FSIP2: variants seen among roughly 807,000 people sequenced by gnomAD.
FSIP2 encodes the protein fibrous sheath interacting protein 2, also known as fibrous sheath-interacting protein 2.
Under a neutral mutation model 510.5 loss-of-function variants are expected in FSIP2, and 367 were observed. The ratio of observed to expected loss-of-function variants is 0.72; its 90% CI spans 0.66 to 0.78. FSIP2 has a LOEUF of 0.78. Among genes scored for constraint, FSIP2 ranks in the 30% least tolerant of loss-of-function variants. The probability of loss-of-function intolerance (pLI) is 0.00; values close to 1 mark genes in which losing one functional copy is unlikely to be tolerated. For synonymous variants in FSIP2, 2,601 were observed against 2,732.2 expected (o/e 0.95, Z 1.50); for missense variants, 7,594 against 7,901.7 (o/e 0.96, Z 1.48).
upstream of FSIP2, chr2:185,738,438 C>A (rs923993018): frequency 3.2e-6 from 2 of 633,666 alleles, no homozygotes; most frequent in Admixed American, 3.0e-5. Flanking sequence ...TGGGAAGAAG[C>A]TGTGGGAGCC....
chr2:185,815,191 T>C (rs1693805040), intron 18 of FSIP2, among the ~76,000 whole-genome samples, 180 bp from the exon 19 acceptor site: 1 of 152,044 alleles, frequency 6.6e-6, no homozygotes, highest in Non-Finnish European at 1.5e-5. Context: ...CTGAACTATT[T>C]CAAGTTAATT....
Position 185,789,744 on chromosome 2 carries a change from A to G in FSIP2, c.2608A>G (p.Lys870Glu), listed in dbSNP as rs755981641. The G allele has an allele frequency of 1.4e-5, 21 of 1,534,404 alleles. No individual in the cohort carries two copies. In the South Asian group the frequency reaches 2.5e-4, roughly 18 times the overall value. The change falls in exon 16 of 23, where the codon AAA (lysine) becomes GAA (glutamate). Residue 870 changes from lysine to glutamate, a missense_variant. By Grantham distance (56) the Lys-to-Glu change is moderately conservative. Transcript: ENST00000424728. ...ATGTATGTTCCTTCAAAGAGCTGGC[A>G]AAAATAAATCTAGTCTTGAATCTGA... Reference protein sequence around the residue: ...PICMFLQRAGKNKSSLESDEA... With the variant: ...PICMFLQRAGENKSSLESDEA...
intron 12 of FSIP2, among the ~76,000 whole-genome samples, chr2:185,763,782 T>C (rs1692402189): frequency 6.6e-6 from 1 of 151,608 alleles, no homozygotes; most frequent in African/African-American, 2.4e-5. Context: ...AGAAATGTAC[T>C]AAATTATTTC....
In FSIP2 at chr2:185,800,234, C is replaced by A; in HGVS notation, c.10928C>A (p.Pro3643His). The A allele has an allele frequency of 6.5e-7, 1 of 1,532,468 alleles. No individual in the cohort carries two copies. The highest frequency in any genetic ancestry group is 1.2e-5 in the South Asian group (1 of 83,666). The allele number at this position is 1,532,468 out of a possible 1,614,324, so 94.9% of individuals were successfully genotyped here. The stretch of plus-strand genomic sequence containing the variant: ...TCTATGCATAGAAATAATAGTGTAC[C>A]CCTTTGCAACAAAATCAATAGACAG... ...SFSMHRNNSV[P>H]LCNKINRQAS... Residue 3643 changes from proline (P) to histidine (H), a missense_variant, in exon 17 of 23, where the codon CCC (proline) becomes CAC (histidine). Physicochemically the swap from Pro to His is moderately conservative, Grantham distance 77. Transcript: ENST00000424728.
At chr2:185,773,547 G>A (rs1349192141) in intron 13 of FSIP2, among the ~76,000 whole-genome samples, 6 of 152,012 alleles carry the variant, frequency 3.9e-5, no homozygotes, top group Non-Finnish European at 7.4e-5. Flanking sequence ...CAAAATACAC[G>A]TGCTTCAGTT....
At chr2:185,763,142 T>C in intron 11 of FSIP2, 41 bp from the exon 12 acceptor site, 1 of 853,294 alleles carries the variant, frequency 1.2e-6, no homozygotes. Flanking sequence ...GTCCCAGCAA[T>C]ATCAGCTTCT....
rs1693466069 is a variant in FSIP2 at position 185,802,610 on chromosome 2, T to C, written c.13304T>C (p.Val4435Ala). 1 of 1,533,392 alleles carries C rather than the reference T, an allele frequency of 6.5e-7. No homozygotes were observed. Among genetic ancestry groups the C allele is most frequent in the Admixed American group, 2.0e-5 (1 of 50,786 alleles). The allele number at this position is 1,533,392 out of a possible 1,614,324, so 95.0% of individuals were successfully genotyped here. Residue 4435 changes from valine to alanine, a missense_variant, in exon 17 of 23, where the codon GTG becomes GCG. Physicochemically the swap from Val to Ala is moderately conservative, Grantham distance 64. Transcript: ENST00000424728. ...TCAGCTTCTACCTATTCTAATTCAG[T>C]GGCTGAGAATATTGTTCAGGACATC... ...DFSASTYSNS[V>A]AENIVQDILS...
rs114699838 is a variant in FSIP2, at chr2:185,800,171, A to G, written c.10865A>G (p.Asp3622Gly). 5.6e-4 allele frequency: 852 copies of G among 1,533,188 alleles called. 4 individuals carry two copies. In the African/African-American group the frequency reaches 9.6e-3, roughly 17 times the overall value. The allele number at this position is 1,533,188 out of a possible 1,614,324, so 95.0% of individuals were successfully genotyped here. A position where few individuals can be genotyped will look rare whatever the true frequency, so the allele number is the denominator to read the frequency against. The change falls in exon 17 of 23, where the codon GAT becomes GGT. Residue 3622 changes from aspartate to glycine, a missense_variant. Asp to Gly is a moderately conservative substitution (Grantham distance 94, BLOSUM62 -1). Transcript: ENST00000424728. ...IHVLSKEIEV[D>G]YHFESNVRNK... ...GTACTGTCCAAAGAAATAGAAGTAG[A>G]TTATCACTTTGAAAGCAATGTAAGA...
rs1691863972 is a variant in FSIP2, at chr2:185,739,093, T to G, written c.99+100T>G. 8 of 1,383,130 alleles carry G rather than the reference T, an allele frequency of 5.8e-6. No homozygotes were observed. In the South Asian group the frequency reaches 1.2e-4, roughly 21 times the overall value. The allele number at this position is 1,383,130 out of a possible 1,614,324, so 85.7% of individuals were successfully genotyped here. A position where few individuals can be genotyped will look rare whatever the true frequency, so the allele number is the denominator to read the frequency against. The stretch of plus-strand genomic sequence containing the variant: ...ACACACGGGTCGCGAGGCTCCCAAC[T>G]GTCCCCCGTCAGGAGGCTGCCCTCT... On this transcript the variant is annotated intron_variant, in intron 1 of 22. Transcript: ENST00000424728.
chr2:185,815,821 T>C (rs1024624764), intron 19 of FSIP2, among the ~76,000 whole-genome samples: 3 of 152,192 alleles, frequency 2.0e-5, no homozygotes, highest in Admixed American at 2.0e-4. Context: ...TGTTCATGCT[T>C]AGCTCTCTTA....
intron 17 of FSIP2, among the ~76,000 whole-genome samples, chr2:185,811,519 GTTGTTTGTTTGT>G (rs200741996): frequency 4.6e-5 from 7 of 151,378 alleles, no homozygotes; most frequent in South Asian, 4.2e-4. Context: ...AAAAAAAAAG[GTTGTTTGTTTGT>G]TTGTTTGTTT....
At chr2:185,811,746 A>G (rs1156920574) in intron 17 of FSIP2, among the ~76,000 whole-genome samples, 1 of 152,096 alleles carries the variant, frequency 6.6e-6, no homozygotes, top group Non-Finnish European at 1.5e-5. Flanking sequence ...CAGACTCAGA[A>G]TAACATTCCT....
chr2:185,747,981 T>G (rs1264722152), intron 7 of FSIP2, among the ~76,000 whole-genome samples: 1 of 152,080 alleles, frequency 6.6e-6, no homozygotes, highest in Admixed American at 6.6e-5. Flanking sequence ...TTTCATGTAA[T>G]AAAATGCCAT....
chr2:185,810,781 A>G (rs1010098495), intron 17 of FSIP2, among the ~76,000 whole-genome samples: 1 of 151,984 alleles, frequency 6.6e-6, no homozygotes, highest in Admixed American at 6.6e-5. Context: ...AGATAGGAAG[A>G]TTAAGGAGAG....
At position 185,791,069 on chromosome 2, in the gene FSIP2, A is replaced by T. The variant is rs952949250; in HGVS notation, c.3933A>T (p.Glu1311Asp). The T allele has an allele frequency of 3.9e-6, 6 of 1,532,134 alleles. No individual in the cohort carries two copies. In the African/African-American group the frequency reaches 8.2e-5, roughly 21 times the overall value. The allele number at this position is 1,532,134 out of a possible 1,614,324, so 94.9% of individuals were successfully genotyped here. ...IVLCAIQNEL[E>D]LHKENLNLRE... is the part of the protein sequence containing the mutation. ...TATGTGCTATCCAGAATGAACTGGAACTTCACAAGGAAAACCTAAATCTTA... is the reference window on the plus strand; with the variant it reads ...TATGTGCTATCCAGAATGAACTGGATCTTCACAAGGAAAACCTAAATCTTA... The change falls in exon 16 of 23, where the codon GAA (glutamate) becomes GAT (aspartate). Residue 1311 changes from glutamate to aspartate, a missense_variant. Glu to Asp is a conservative substitution (Grantham distance 45). Transcript: ENST00000424728.
At chr2:185,828,814 T>C (rs1694059411) in intron 21 of FSIP2, among the ~76,000 whole-genome samples, 2 of 152,006 alleles carry the variant, frequency 1.3e-5, no homozygotes, top group South Asian at 4.1e-4. Context: ...AGATTGTTTC[T>C]TTCTTGGTTC....
chr2:185,754,247 A>G (rs1692200435), intron 8 of FSIP2, among the ~76,000 whole-genome samples: 1 of 151,500 alleles, frequency 6.6e-6, no homozygotes, highest in Admixed American at 6.6e-5. Context: ...GAAGAAAGAA[A>G]AAATGAAGAA....
At position 185,791,132 on chromosome 2, in the gene FSIP2, A is replaced by AT; in HGVS notation, c.4002dup (p.Ala1335CysfsTer2). 3.9e-6 allele frequency: 6 copies of AT among 1,532,896 alleles called. No homozygotes were observed. Among genetic ancestry groups the AT allele is most frequent in the Non-Finnish European group, 5.2e-6 (6 of 1,144,926 alleles). 95.0% of individuals were successfully genotyped at this position (1,532,896 alleles called of 1,614,324 possible). A position where few individuals can be genotyped will look rare whatever the true frequency, so the allele number is the denominator to read the frequency against. On this transcript the variant is annotated frameshift_variant, in exon 16 of 23. Coordinates refer to ENST00000424728, the MANE Select transcript of FSIP2 (RefSeq NM_173651.4). LOFTEE classifies it high-confidence loss of function. ...ATACCAAATCCCTTACAGATAAAGGATTTTTTGCTAATACTGATAAAAAAT... is the reference window on the plus strand; with the variant it reads ...ATACCAAATCCCTTACAGATAAAGGATTTTTTTGCTAATACTGATAAAAAAT...
intron 7 of FSIP2, among the ~76,000 whole-genome samples, chr2:185,748,076 A>C (rs2105535936): frequency 6.6e-6 from 1 of 152,108 alleles, no homozygotes; most frequent in East Asian, 1.9e-4. Context: ...CCTAGGTATG[A>C]ATGTAAGATT....
Sources: gnomAD v4.1 joint callset for allele counts (sites outside exome capture counted in the v4.1 genomes callset) on GRCh38, gnomAD v4.1.1 for gene constraint, MANE v1.5 for transcripts, NCBI Gene and HGNC (gene_info 2026-07-23, HGNC 2026-07-21) for gene names.